Variants in SLC9A1 observed in about 807,000 individuals in gnomAD.
SLC9A1 encodes the protein sodium/hydrogen exchanger 1.
In SLC9A1, 22 loss-of-function variants were observed where a neutral mutation model predicts 67.9. That is an observed-to-expected ratio of 0.32 (90% CI 0.23 to 0.46). The LOEUF (loss-of-function observed/expected upper bound fraction) is 0.46. Ranked by LOEUF, SLC9A1 falls within the 20% of genes least tolerant of loss-of-function variation. The pLI, the probability that SLC9A1 is intolerant of heterozygous loss-of-function variation, is 1.00. For synonymous variants in SLC9A1, 421 were observed against 471.8 expected (o/e 0.89, Z 1.40); for missense variants, 686 against 1,094.8 (o/e 0.63, Z 5.27).
intron 1 of SLC9A1, 26 bp downstream of exon 1, chr1:27,153,957 G>A (rs375826982): frequency 8.0e-5 from 117 of 1,464,116 alleles, no homozygotes; most frequent in Admixed American, 1.8e-4. Context: ...GGTGGCGGCC[G>A]CAGCATCGGA....
At chr1:27,113,766 G>A in intron 2 of SLC9A1, 60 bp downstream of exon 2, 4 of 1,277,466 alleles carry the variant, frequency 3.1e-6, no homozygotes, top group Non-Finnish European at 4.4e-6. Context: ...GGGATTCACT[G>A]GTGGGCCTGG....
At chr1:27,102,825 C>T (rs764175755) in intron 6 of SLC9A1, 82 bp from the exon 7 acceptor site, 13 of 1,240,858 alleles carry the variant, frequency 1.0e-5, no homozygotes, top group South Asian at 6.3e-5. Context: ...CACTCCCTCC[C>T]GTAGCTGCAG....
At chr1:27,139,917 C>T (rs1245531182) in intron 1 of SLC9A1, among the ~76,000 whole-genome samples, 1 of 151,990 alleles carries the variant, frequency 6.6e-6, no homozygotes, top group Non-Finnish European at 1.5e-5. Context: ...CTCAACCTCC[C>T]AAGTAGCTGG....
chr1:27,130,020 T>C (rs1355717307), intron 1 of SLC9A1, among the ~76,000 whole-genome samples: 2 of 152,206 alleles, frequency 1.3e-5, no homozygotes, highest in African/African-American at 2.4e-5. Flanking sequence ...AGCCCTGGTT[T>C]ATTGCCAGGT....
At chr1:27,128,582 G>A (rs2083361548) in intron 1 of SLC9A1, among the ~76,000 whole-genome samples, 1 of 151,810 alleles carries the variant, frequency 6.6e-6, no homozygotes, top group African/African-American at 2.4e-5. Context: ...CCTGAGCCCG[G>A]GAGGTTGAGG....
intron 1 of SLC9A1, among the ~76,000 whole-genome samples, chr1:27,123,548 G>A (rs957348644): frequency 6.6e-6 from 1 of 151,854 alleles, no homozygotes; most frequent in Non-Finnish European, 1.5e-5. Flanking sequence ...TGTCACCCAG[G>A]CTGGAGTGTT....
Position 27,101,155 on chromosome 1 carries a change from G to A in SLC9A1, c.2110+48C>T, listed in dbSNP as rs758620064. On this transcript the variant is annotated intron_variant, in intron 11 of 11. Transcript: ENST00000263980. This position sits in a 1 kb window ranked among gnomAD's most constrained non-coding sequence, Gnocchi z 4.9. ...TCCTGTGGAGCCCCATCCTCAGGAG[G>A]TGGCAGCTCAGAGTGCCCAGTCCTG... is the stretch of plus-strand genomic sequence containing the variant. 1 of 1,426,352 alleles carries A rather than the reference G, an allele frequency of 7.0e-7. No homozygotes were observed. The highest frequency in any genetic ancestry group is 1.7e-5 in the Admixed American group (1 of 59,214). The allele number at this position is 1,426,352 out of a possible 1,614,324, so 88.4% of individuals were successfully genotyped here.
chr1:27,140,439 CAT>C (rs1393633915), intron 1 of SLC9A1, among the ~76,000 whole-genome samples: 1 of 152,118 alleles, frequency 6.6e-6, no homozygotes, highest in Non-Finnish European at 1.5e-5. Flanking sequence ...CCCTCCAGTC[CAT>C]ATACCTAAAA....
chr1:27,150,269 C>T (rs913588541), intron 1 of SLC9A1, among the ~76,000 whole-genome samples: 1 of 152,066 alleles, frequency 6.6e-6, no homozygotes, highest in African/African-American at 2.4e-5. Flanking sequence ...ATTCGCCTTG[C>T]AAAGACCAAA....
At position 27,120,611 on chromosome 1, in the gene SLC9A1, G is replaced by A. The variant is rs192924060; in HGVS notation, c.353-6325C>T. Among the ~76,000 whole-genome samples the A allele has an allele frequency of 3.3e-5, 5 of 151,898 alleles. No individual in the cohort carries two copies. In the South Asian group the frequency reaches 6.2e-4, roughly 19 times the overall value. ...AAATTAGCCAGGTGTGGTGGCAGGC[G>A]CCTCTAATCACAGCTACTCAGGAGG... is the stretch of plus-strand genomic sequence containing the variant. On this transcript the variant is annotated intron_variant, in intron 1 of 11. Coordinates refer to ENST00000263980, the MANE Select transcript of SLC9A1 (RefSeq NM_003047.5).
chr1:27,126,743 C>A (rs1009614102), intron 1 of SLC9A1, among the ~76,000 whole-genome samples: 43 of 152,200 alleles, frequency 2.8e-4, no homozygotes, highest in Admixed American at 8.5e-4. Context: ...ACTTGTTGAG[C>A]TAGCAGAACT....
chr1:27,128,785 C>T (rs2083363321), intron 1 of SLC9A1, among the ~76,000 whole-genome samples: 1 of 151,914 alleles, frequency 6.6e-6, no homozygotes, highest in Admixed American at 6.6e-5. Context: ...TGGTGAAACC[C>T]CATCTCTATT....
Position 27,103,204 on chromosome 1 carries a change from C to A in SLC9A1, c.1575+19G>T. 6.3e-7 allele frequency: 1 copy of A among 1,588,188 alleles called. No homozygotes were observed. ...TGTTCCTCCTTCTGCAACCAAGGGC[C>A]CAGCCCGCACTCCAGTACCTGTGTG... On this transcript the variant is annotated intron_variant, in intron 6 of 11. Transcript: ENST00000263980.
intron 1 of SLC9A1, among the ~76,000 whole-genome samples, chr1:27,136,780 A>C (rs548956144): frequency 2.0e-5 from 3 of 152,256 alleles, no homozygotes; most frequent in African/African-American, 7.2e-5. Context: ...TGGAAGGAGG[A>C]GGCGGAAAAT....
intron 5 of SLC9A1, among the ~76,000 whole-genome samples, chr1:27,105,274 G>T (rs1391250514): frequency 6.6e-6 from 1 of 152,070 alleles, no homozygotes; most frequent in Non-Finnish European, 1.5e-5. Flanking sequence ...GAGATCTTGG[G>T]CCTGTTGACT....
intron 1 of SLC9A1, among the ~76,000 whole-genome samples, chr1:27,147,478 G>GA (rs2083495891): frequency 6.6e-6 from 1 of 150,770 alleles, no homozygotes; most frequent in Non-Finnish European, 1.5e-5. Flanking sequence ...GCGACAGAGT[G>GA]AGACTCCATC....
chr1:27,126,771 A>G (rs1021411000), intron 1 of SLC9A1, among the ~76,000 whole-genome samples: 2 of 152,208 alleles, frequency 1.3e-5, no homozygotes, highest in Admixed American at 1.3e-4. Context: ...GGCAGAAGTC[A>G]TGTCTGGTTT....
chr1:27,115,440 T>C (rs2083257988), intron 1 of SLC9A1, among the ~76,000 whole-genome samples: 1 of 151,454 alleles, frequency 6.6e-6, no homozygotes. Flanking sequence ...TGGAAAAAAA[T>C]CTGAGCATCT....
At chr1:27,135,215 A>C (rs569088781) in intron 1 of SLC9A1, among the ~76,000 whole-genome samples, 1 of 151,358 alleles carries the variant, frequency 6.6e-6, no homozygotes, top group Non-Finnish European at 1.5e-5. Context: ...ATGCCCTACT[A>C]ATTTTTTATT....
Sources: allele counts gnomAD v4.1 joint callset (sites outside exome capture counted in the v4.1 genomes callset), GRCh38; gene constraint gnomAD v4.1.1; non-coding constraint Gnocchi (gnomAD v3.1); transcripts MANE v1.5; gene names NCBI Gene and HGNC (gene_info 2026-07-23, HGNC 2026-07-21).